Variants in TRPM1 observed in about 807,000 individuals in gnomAD.
TRPM1 encodes transient receptor potential cation channel subfamily M member 1.
TRPM1 carries 113 observed loss-of-function variants against 149.4 expected under a neutral mutation model. The ratio of observed to expected loss-of-function variants is 0.76; its 90% CI spans 0.65 to 0.88. TRPM1 has a LOEUF of 0.88. Among genes scored for constraint, TRPM1 ranks in the 40% least tolerant of loss-of-function variants. TRPM1 has a pLI of 0.00. For synonymous variants in TRPM1, 741 were observed against 759.5 expected, an observed-to-expected ratio of 0.98 and a Z score of 0.40; for missense variants, 1,976 against 2,038.7, an observed-to-expected ratio of 0.97 and a Z score of 0.59.
At position 31,001,711 on chromosome 15, in the gene TRPM1, C is replaced by T; in HGVS notation, c.*111G>A. The T allele has an allele frequency of 7.6e-7, 1 of 1,312,136 alleles. No homozygotes were observed. The highest frequency in any genetic ancestry group is 1.0e-6 in the Non-Finnish European group (1 of 969,580). 81.3% of individuals were successfully genotyped at this position (1,312,136 alleles called of 1,614,324 possible). A position where few individuals can be genotyped will look rare whatever the true frequency, so the allele number is the denominator to read the frequency against. ...AAATTGTAAATCAAGTCTGAATTTCCAAAATTTTTTAAGGAAAATGTTTTT... is the reference window on the plus strand; with the variant it reads ...AAATTGTAAATCAAGTCTGAATTTCTAAAATTTTTTAAGGAAAATGTTTTT... On this transcript the variant is annotated 3_prime_UTR_variant, in exon 28 of 28. Transcript: ENST00000256552.
At chr15:31,101,986 G>T (rs527556675), upstream of TRPM1, among the ~76,000 whole-genome samples, 15 of 152,344 alleles carry the variant, frequency 9.8e-5, 2 homozygotes, top group Admixed American at 9.8e-4. Flanking sequence ...CCACCCAGCC[G>T]CCCTTCCCTG....
chr15:31,144,186 T>C (rs571357380), intron 1 of TRPM1, among the ~76,000 whole-genome samples: 149 of 152,264 alleles, frequency 9.8e-4, no homozygotes, highest in African/African-American at 3.4e-3. Flanking sequence ...ACACCTGTAA[T>C]CCCAGCACTC....
intron 1 of TRPM1, among the ~76,000 whole-genome samples, chr15:31,135,459 A>C (rs1289744726): frequency 2.6e-5 from 4 of 152,234 alleles, no homozygotes; most frequent in Non-Finnish European, 5.9e-5. Context: ...AAAGAGAATG[A>C]TCCATCCTAC....
intron 1 of TRPM1, among the ~76,000 whole-genome samples, chr15:31,132,503 T>C (rs1463823417): frequency 1.3e-5 from 2 of 152,244 alleles, no homozygotes; most frequent in Non-Finnish European, 2.9e-5. Flanking sequence ...CTTTTGTTTG[T>C]CGCTGTGATA....
intron 1 of TRPM1, among the ~76,000 whole-genome samples, chr15:31,098,826 G>C (rs2035451610): frequency 6.6e-6 from 1 of 152,090 alleles, no homozygotes; most frequent in Non-Finnish European, 1.5e-5. Context: ...AATGGCAGGG[G>C]CAGACAGGGG....
intron 1 of TRPM1, among the ~76,000 whole-genome samples, chr15:31,116,055 A>C (rs2035793614): frequency 6.6e-6 from 1 of 152,048 alleles, no homozygotes; most frequent in Non-Finnish European, 1.5e-5. Flanking sequence ...CTAATGCCCC[A>C]GTTCTTAATA....
intron 1 of TRPM1, among the ~76,000 whole-genome samples, chr15:31,125,513 G>A (rs1183171064): frequency 1.1e-4 from 17 of 150,740 alleles, no homozygotes; most frequent in Admixed American, 3.3e-4. Flanking sequence ...GGCGGATCAC[G>A]AGGTCAGGAG....
intron 1 of TRPM1, among the ~76,000 whole-genome samples, chr15:31,152,942 C>G (rs1214347455): frequency 6.6e-6 from 1 of 152,168 alleles, no homozygotes; most frequent in Non-Finnish European, 1.5e-5. Flanking sequence ...TGCACCCAGC[C>G]TAAAACAGAG....
intron 27 of TRPM1, 134 bp downstream of exon 27, chr15:31,026,005 A>G: frequency 7.5e-7 from 1 of 1,338,620 alleles, no homozygotes; most frequent in East Asian, 2.3e-5. Context: ...GAACCACGTT[A>G]AAACCTAAAG....
At chr15:31,103,144 G>A (rs778729426), upstream of TRPM1, among the ~76,000 whole-genome samples, 3 of 152,352 alleles carry the variant, frequency 2.0e-5, no homozygotes, top group South Asian at 2.1e-4. Context: ...CAGCCCGACC[G>A]GCTGCCAGTC....
At chr15:31,036,471 A>G (rs984164164) in intron 20 of TRPM1, among the ~76,000 whole-genome samples, 4 of 151,938 alleles carry the variant, frequency 2.6e-5, no homozygotes, top group Non-Finnish European at 5.9e-5. Flanking sequence ...TCCCAAGCCT[A>G]TAAGCTTTAC....
At chr15:31,067,592 C>A (rs1243381898) in intron 5 of TRPM1, among the ~76,000 whole-genome samples, 3 of 152,034 alleles carry the variant, frequency 2.0e-5, no homozygotes, top group Non-Finnish European at 4.4e-5. Flanking sequence ...GTCGAGAGGT[C>A]TAATGAAGAT....
chr15:31,045,202 T>A (rs2033729524), intron 16 of TRPM1, among the ~76,000 whole-genome samples: 1 of 152,212 alleles, frequency 6.6e-6, no homozygotes, highest in Non-Finnish European at 1.5e-5. Flanking sequence ...CCGTCTACAC[T>A]GAATCCATGA....
chr15:31,129,462 C>T (rs1413322106), intron 1 of TRPM1, among the ~76,000 whole-genome samples: 5 of 152,190 alleles, frequency 3.3e-5, no homozygotes, highest in African/African-American at 7.2e-5. Flanking sequence ...CAGCTCTCTG[C>T]TGCCCCCACC....
chr15:31,148,905 G>A (rs1047587516), intron 1 of TRPM1, among the ~76,000 whole-genome samples: 3 of 152,148 alleles, frequency 2.0e-5, no homozygotes, highest in African/African-American at 7.2e-5. Context: ...GCCAGGGTGG[G>A]CACCAGGTCT....
At chr15:31,144,281 T>A (rs1254144772) in intron 1 of TRPM1, among the ~76,000 whole-genome samples, 1 of 151,992 alleles carries the variant, frequency 6.6e-6, no homozygotes, top group Non-Finnish European at 1.5e-5. Flanking sequence ...ACAAAAAAAA[T>A]ACAAAAATTA....
intron 21 of TRPM1, among the ~76,000 whole-genome samples, chr15:31,035,023 G>A (rs927107372): frequency 5.3e-5 from 8 of 152,208 alleles, no homozygotes; most frequent in South Asian, 2.1e-4. Flanking sequence ...TTTTGTTTTC[G>A]AGATGGACTC....
At chr15:31,055,101 G>C (rs1395579468) in intron 11 of TRPM1, among the ~76,000 whole-genome samples, 1 of 152,086 alleles carries the variant, frequency 6.6e-6, no homozygotes, top group African/African-American at 2.4e-5. Flanking sequence ...CCTACCACAA[G>C]TTTTCTACTA....
chr15:31,161,132 C>A (rs746182973), exon 1 of TRPM1: 9 of 643,644 alleles, frequency 1.4e-5, no homozygotes, highest in Non-Finnish European at 2.4e-5. Context: ...TGGGGCGAGG[C>A]CGGCCGGAGG....
Sources: gnomAD v4.1 joint callset for allele counts (sites outside exome capture counted in the v4.1 genomes callset) on GRCh38, gnomAD v4.1.1 for gene constraint, MANE v1.5 for transcripts, NCBI Gene and HGNC (gene_info 2026-07-23, HGNC 2026-07-21) for gene names.